The following GRIN2B variants were observed in gnomAD, a reference collection of about 807,000 sequenced individuals.
GRIN2B encodes the protein glutamate ionotropic receptor NMDA type subunit 2B.
GRIN2B carries 5 observed loss-of-function variants against 114.5 expected under a neutral mutation model. The observed-to-expected ratio is 0.04, with a 90% confidence interval of 0.02 to 0.09. The LOEUF (loss-of-function observed/expected upper bound fraction) is 0.09, where lower values mean the gene tolerates loss of function less well. GRIN2B is among the 10% of genes least tolerant of loss of function. The probability of loss-of-function intolerance (pLI) is 1.00; values close to 1 mark genes in which losing one functional copy is unlikely to be tolerated. For synonymous variants in GRIN2B, 787 were observed against 745.1 expected (o/e 1.06, Z -0.92); for missense variants, 1,108 against 1,943.5 (o/e 0.57, Z 8.08).
intron 4 of GRIN2B, among the ~76,000 whole-genome samples, chr12:13,749,340 A>T (rs1863440525): frequency 6.6e-6 from 1 of 152,162 alleles, no homozygotes; most frequent in Non-Finnish European, 1.5e-5. Context: ...TGTGCATGAG[A>T]CCTGTACCTC....
chr12:13,608,336 T>A (rs1285591369), intron 10 of GRIN2B, among the ~76,000 whole-genome samples: 1 of 152,154 alleles, frequency 6.6e-6, no homozygotes, highest in African/African-American at 2.4e-5. Flanking sequence ...AGAGGTACCA[T>A]GCACTCAGAA....
chr12:13,697,015 G>T (rs1950266250), intron 4 of GRIN2B, among the ~76,000 whole-genome samples: 1 of 152,078 alleles, frequency 6.6e-6, no homozygotes, highest in Admixed American at 6.6e-5. Context: ...GGGAAAGGGT[G>T]AAAAGCAAAA....
intron 4 of GRIN2B, among the ~76,000 whole-genome samples, chr12:13,678,091 A>T (rs561475204): frequency 1.1e-4 from 16 of 152,234 alleles, no homozygotes; most frequent in Admixed American, 4.6e-4. Flanking sequence ...CAACCCAGAG[A>T]TTCACTTTTT....
At chr12:13,811,084 A>G (rs1477749344) in intron 3 of GRIN2B, among the ~76,000 whole-genome samples, 1 of 152,256 alleles carries the variant, frequency 6.6e-6, no homozygotes, top group Admixed American at 6.5e-5. Context: ...ATCTATGGCA[A>G]CTGGCCAAAA....
intron 2 of GRIN2B, among the ~76,000 whole-genome samples, chr12:13,885,648 A>G (rs1866143071): frequency 6.6e-6 from 1 of 152,170 alleles, no homozygotes; most frequent in African/African-American, 2.4e-5. Flanking sequence ...AACAAGATCT[A>G]CAGGAGCGCT....
At chr12:13,639,259 G>A (rs960578765) in intron 5 of GRIN2B, among the ~76,000 whole-genome samples, 5 of 152,110 alleles carry the variant, frequency 3.3e-5, no homozygotes, top group African/African-American at 1.2e-4. Context: ...CATAGACTGT[G>A]GCAACCAGTC....
At chr12:13,920,909 T>G (rs1011644929) in intron 2 of GRIN2B, among the ~76,000 whole-genome samples, 1 of 152,210 alleles carries the variant, frequency 6.6e-6, no homozygotes, top group African/African-American at 2.4e-5. Flanking sequence ...GAATCCTGAC[T>G]AATACATTAG....
rs149526977 is a variant in GRIN2B at position 13,753,607 on chromosome 12, G to C, written c.720C>G (p.Ile240Met). The change falls in exon 4 of 14, where the codon ATC (isoleucine) becomes ATG (methionine). Residue 240 changes from isoleucine (I) to methionine (M), a missense_variant. Transcript: ENST00000609686. The surrounding 1 kb of genome is among the most constrained non-coding windows in gnomAD (Gnocchi z 6.2). Reference protein sequence around the residue: ...LYCTKEEATYIFEVANSVGLT... With the variant: ...LYCTKEEATYMFEVANSVGLT... ...GCCCTACTGAGTTGGCCACTTCAAA[G>C]ATGTAGGTGGCTTCTTCCTTGGTAC... The C allele has an allele frequency of 6.2e-7, 1 of 1,614,188 alleles. No homozygotes were observed. The highest frequency in any genetic ancestry group is 1.7e-5 in the Admixed American group (1 of 60,010).
At chr12:13,932,383 A>G (rs1029462980) in intron 2 of GRIN2B, among the ~76,000 whole-genome samples, 1 of 152,226 alleles carries the variant, frequency 6.6e-6, no homozygotes, top group Non-Finnish European at 1.5e-5. Flanking sequence ...ATCATGTTTT[A>G]CATGATTAAT....
intron 4 of GRIN2B, among the ~76,000 whole-genome samples, chr12:13,747,276 GAGA>G (rs1863401879): frequency 6.6e-6 from 1 of 152,178 alleles, no homozygotes; most frequent in Admixed American, 6.5e-5. Context: ...TGACTTCAGG[GAGA>G]AGAAGCAACA....
chr12:13,547,688 G>C lies in GRIN2B; in HGVS notation c.*15095C>G, dbSNP rs1948360149. 6.6e-6 allele frequency: 1 copy of C among 152,096 alleles called. No homozygotes were observed. Among genetic ancestry groups the C allele is most frequent in the African/African-American group, 2.4e-5 (1 of 41,438 alleles). 9.4% of individuals were successfully genotyped at this position (152,096 alleles called of 1,614,324 possible). On this transcript the variant is annotated 3_prime_UTR_variant, in exon 14 of 14. Transcript: ENST00000609686. Reference sequence around the variant, plus strand: ...GCTCTTTTCCATCCAAAGGTGAACAGAAGACTCTGCAGAGCATAATGTTGC... The same window carrying C: ...GCTCTTTTCCATCCAAAGGTGAACACAAGACTCTGCAGAGCATAATGTTGC...
chr12:13,821,699 C>G (rs1324789679), intron 3 of GRIN2B, among the ~76,000 whole-genome samples: 1 of 152,192 alleles, frequency 6.6e-6, no homozygotes, highest in Admixed American at 6.5e-5. Context: ...GCACCAGGCA[C>G]TGTGCAATGT....
At chr12:13,734,505 G>C (rs1352603644) in intron 4 of GRIN2B, among the ~76,000 whole-genome samples, 3 of 152,178 alleles carry the variant, frequency 2.0e-5, no homozygotes, top group African/African-American at 7.2e-5. Context: ...TGAATCCAAA[G>C]AGTCATTTTC....
chr12:13,949,104 G>A (rs1867425663), intron 2 of GRIN2B, among the ~76,000 whole-genome samples: 1 of 152,128 alleles, frequency 6.6e-6, no homozygotes, highest in African/African-American at 2.4e-5. Flanking sequence ...GGACTTTGGA[G>A]GGACCATTGC....
chr12:13,605,551 T>TCTCTCACACACA, intron 10 of GRIN2B, among the ~76,000 whole-genome samples: 20 of 30,462 alleles, frequency 6.6e-4, no homozygotes, highest in Admixed American at 1.9e-3. Flanking sequence ...TCTCTCTCTC[T>TCTCTCACACACA]GACACACACA....
At chr12:13,947,586 A>G (rs1029527885) in intron 2 of GRIN2B, among the ~76,000 whole-genome samples, 1 of 152,210 alleles carries the variant, frequency 6.6e-6, no homozygotes, top group African/African-American at 2.4e-5. Context: ...ACATCCTGCA[A>G]CAGAATGTTT....
At chr12:13,585,697 A>C (rs1245649811) in intron 10 of GRIN2B, among the ~76,000 whole-genome samples, 2 of 152,186 alleles carry the variant, frequency 1.3e-5, no homozygotes, top group Non-Finnish European at 2.9e-5. Context: ...TTCCCAGAAC[A>C]CTCATAGGCT....
intron 5 of GRIN2B, among the ~76,000 whole-genome samples, chr12:13,626,279 G>A (rs1225011033): frequency 6.6e-6 from 1 of 152,112 alleles, no homozygotes; most frequent in Non-Finnish European, 1.5e-5. Flanking sequence ...TGTGCACCAT[G>A]CCCAAGGCCT....
chr12:13,638,222 G>T (rs895698397), intron 5 of GRIN2B, among the ~76,000 whole-genome samples: 2 of 151,988 alleles, frequency 1.3e-5, no homozygotes, highest in African/African-American at 4.8e-5. Flanking sequence ...TCAGACAAGG[G>T]CACCTCCCTT....
Sources: gnomAD v4.1 joint callset for allele counts (sites outside exome capture counted in the v4.1 genomes callset) on GRCh38, gnomAD v4.1.1 for gene constraint, Gnocchi (gnomAD v3.1) non-coding constraint, MANE v1.5 for transcripts, NCBI Gene and HGNC (gene_info 2026-07-23, HGNC 2026-07-21) for gene names.